Variants in PPP2R3A observed in about 807,000 individuals in gnomAD.
The protein encoded by PPP2R3A is serine/threonine-protein phosphatase 2A regulatory subunit B'' subunit alpha.
A neutral mutation model predicts 106.9 loss-of-function variants in PPP2R3A; 80 were observed. The ratio of observed to expected loss-of-function variants is 0.75; its 90% CI spans 0.62 to 0.90. The LOEUF (loss-of-function observed/expected upper bound fraction) is 0.90. PPP2R3A is among the 40% of genes least tolerant of loss of function. The probability of loss-of-function intolerance (pLI) is 0.00; values close to 1 mark genes in which losing one functional copy is unlikely to be tolerated. For synonymous variants in PPP2R3A, 483 were observed against 468.3 expected (o/e 1.03, Z -0.41); for missense variants, 1,386 against 1,350.4 (o/e 1.03, Z -0.41).
chr3:136,120,957 A>G (rs1937973052), intron 13 of PPP2R3A, among the ~76,000 whole-genome samples: 1 of 152,220 alleles, frequency 6.6e-6, no homozygotes, highest in East Asian at 1.9e-4. Flanking sequence ...TTCCAGAGAA[A>G]AGGGAATGCA....
Position 136,001,310 on chromosome 3 carries a change from C to A in PPP2R3A, c.-189C>A. 1.9e-6 allele frequency: 1 copy of A among 513,082 alleles called. No homozygotes were observed. The highest frequency in any genetic ancestry group is 3.4e-6 in the Non-Finnish European group (1 of 294,568). 31.8% of individuals were successfully genotyped at this position (513,082 alleles called of 1,614,324 possible). The stretch of plus-strand genomic sequence containing the variant: ...TAAATTTGCCACACATGTGCAGCAG[C>A]TACTGTATCCTGATAGTGACCAAAC... On this transcript the variant is annotated 5_prime_UTR_variant, in exon 2 of 14. Coordinates refer to ENST00000264977, the MANE Select transcript of PPP2R3A (RefSeq NM_002718.5).
intron 12 of PPP2R3A, 109 bp from the exon 13 acceptor site, chr3:136,106,107 C>A (rs1482709307): frequency 1.1e-6 from 1 of 907,788 alleles, no homozygotes; most frequent in Admixed American, 3.0e-5. Flanking sequence ...TGAAATGAAA[C>A]ATTTTTCAGG....
intron 1 of PPP2R3A, among the ~76,000 whole-genome samples, chr3:135,996,331 A>G (rs1183803916): frequency 6.6e-6 from 1 of 152,182 alleles, no homozygotes; most frequent in African/African-American, 2.4e-5. Flanking sequence ...AAAATTTTTA[A>G]GGTTTTCTTT....
At chr3:136,142,003 G>A (rs1938891003) in intron 13 of PPP2R3A, among the ~76,000 whole-genome samples, 2 of 152,272 alleles carry the variant, frequency 1.3e-5, no homozygotes, top group African/African-American at 4.8e-5. Context: ...TATACATGCT[G>A]CTGTTCTGAA....
chr3:136,009,743 T>G (rs1212623093), intron 2 of PPP2R3A, among the ~76,000 whole-genome samples: 2 of 152,168 alleles, frequency 1.3e-5, no homozygotes, highest in African/African-American at 4.8e-5. Context: ...GATGCATGAT[T>G]ATGCTTGAGA....
intron 4 of PPP2R3A, 73 bp downstream of exon 4, chr3:136,041,035 CA>C: frequency 4.0e-6 from 5 of 1,255,780 alleles, no homozygotes; most frequent in Non-Finnish European, 5.6e-6. Context: ...TTCTAAAGGT[CA>C]CCTATTTTAC....
intron 13 of PPP2R3A, among the ~76,000 whole-genome samples, chr3:136,121,548 T>C (rs1276486752): frequency 6.6e-6 from 1 of 152,022 alleles, no homozygotes; most frequent in Admixed American, 6.6e-5. Context: ...AATTTACCCA[T>C]GTAACAAACC....
At chr3:136,082,234 T>A in intron 7 of PPP2R3A, 31 bp from the exon 8 acceptor site, 1 of 1,534,356 alleles carries the variant, frequency 6.5e-7, no homozygotes, top group Middle Eastern at 1.8e-4. Context: ...TTTTTCATAA[T>A]GTTTAAATTC....
chr3:136,011,340 T>TAC (rs756695972), intron 2 of PPP2R3A, among the ~76,000 whole-genome samples: 1 of 152,214 alleles, frequency 6.6e-6, no homozygotes, highest in Non-Finnish European at 1.5e-5. Context: ...TTTTATCTGT[T>TAC]ACATTCACTG....
At chr3:136,123,377 G>A (rs1938070930) in intron 13 of PPP2R3A, among the ~76,000 whole-genome samples, 2 of 151,934 alleles carry the variant, frequency 1.3e-5, no homozygotes, top group Non-Finnish European at 2.9e-5. Context: ...CTCCATGGTG[G>A]GGCAAAATAA....
chr3:136,057,321 T>A (rs1205277926), intron 5 of PPP2R3A, among the ~76,000 whole-genome samples: 1 of 152,164 alleles, frequency 6.6e-6, no homozygotes, highest in African/African-American at 2.4e-5. Context: ...CACAATGGAA[T>A]ATTAGTCATA....
chr3:136,007,126 T>C (rs2107796291), intron 2 of PPP2R3A, among the ~76,000 whole-genome samples: 1 of 152,352 alleles, frequency 6.6e-6, no homozygotes, highest in Non-Finnish European at 1.5e-5. Context: ...TCTCAAGCTC[T>C]CAAATGTATC....
intron 4 of PPP2R3A, among the ~76,000 whole-genome samples, chr3:136,041,350 T>C (rs1256920299): frequency 1.3e-5 from 2 of 149,626 alleles, no homozygotes; most frequent in East Asian, 3.9e-4. Flanking sequence ...CCCAAACTCT[T>C]GGGCTCAAGT....
intron 5 of PPP2R3A, chr3:136,055,192 G>A: frequency 4.1e-6 from 3 of 730,644 alleles, no homozygotes; most frequent in Non-Finnish European, 6.9e-6. Flanking sequence ...ATATAGAAGA[G>A]ATGACTGTGC....
intron 13 of PPP2R3A, among the ~76,000 whole-genome samples, chr3:136,142,068 A>T (rs1228065211): frequency 6.6e-6 from 1 of 152,202 alleles, no homozygotes. Flanking sequence ...GCTTAGAAAG[A>T]GGCTGAGGCT....
intron 10 of PPP2R3A, among the ~76,000 whole-genome samples, chr3:136,100,315 G>A (rs923745159): frequency 1.3e-5 from 2 of 151,270 alleles, no homozygotes; most frequent in African/African-American, 4.9e-5. Context: ...TTCGAGACCA[G>A]TGTGGGCAAT....
At chr3:135,974,950 G>A (rs1040018768) in intron 1 of PPP2R3A, among the ~76,000 whole-genome samples, 1 of 152,154 alleles carries the variant, frequency 6.6e-6, no homozygotes, top group African/African-American at 2.4e-5. Context: ...TAGATCGTAG[G>A]CATATTTCCT....
chr3:135,972,312 T>G (rs981431298), intron 1 of PPP2R3A, among the ~76,000 whole-genome samples: 1 of 152,256 alleles, frequency 6.6e-6, no homozygotes, highest in African/African-American at 2.4e-5. Flanking sequence ...TACTTCATTC[T>G]TTCTTTGGCT....
intron 3 of PPP2R3A, 140 bp downstream of exon 3, chr3:136,027,238 T>G: frequency 3.9e-6 from 3 of 774,754 alleles, no homozygotes; most frequent in Non-Finnish European, 5.9e-6. Flanking sequence ...TGTTGTTGTT[T>G]TTCCCATAGT....
Sources: gnomAD v4.1 joint callset for allele counts (sites outside exome capture counted in the v4.1 genomes callset) on GRCh38, gnomAD v4.1.1 for gene constraint, MANE v1.5 for transcripts, NCBI Gene and HGNC (gene_info 2026-07-23, HGNC 2026-07-21) for gene names.